TMEM242: variants seen among roughly 807,000 people sequenced by gnomAD.
The protein encoded by TMEM242 is UPF0463 transmembrane protein C6orf35.
A neutral mutation model predicts 18.2 loss-of-function variants in TMEM242; 10 were observed. That is an observed-to-expected ratio of 0.55 (90% CI 0.34 to 0.93). The LOEUF (loss-of-function observed/expected upper bound fraction) is 0.93. Ranked by LOEUF, TMEM242 falls within the 40% of genes least tolerant of loss-of-function variation. The pLI is 0.02. For missense variants in TMEM242, 186 were observed against 175.5 expected (o/e 1.06, Z -0.34); for synonymous variants, 57 against 69.9 (o/e 0.81, Z 0.92).
At chr6:157,304,481 AAAAAAAAAAAG>A (rs1479797935) in intron 3 of TMEM242, among the ~76,000 whole-genome samples, 69 of 125,066 alleles carry the variant, frequency 5.5e-4, no homozygotes, top group South Asian at 3.6e-3. Flanking sequence ...AAAAAAAAAA[AAAAAAAAAAAG>A]AGAGAGAGAG....
chr6:157,321,085 T>C (rs1238494473), intron 2 of TMEM242, among the ~76,000 whole-genome samples: 1 of 150,684 alleles, frequency 6.6e-6, no homozygotes, highest in Non-Finnish European at 1.5e-5. Flanking sequence ...CTCGGCTTAC[T>C]GCAAGCTCCG....
chr6:157,310,952 G>A (rs1554248520), intron 3 of TMEM242, among the ~76,000 whole-genome samples: 1 of 150,106 alleles, frequency 6.7e-6, no homozygotes, highest in African/African-American at 2.4e-5. Context: ...GCCCCAGTGT[G>A]CACTCACCTG....
intron 3 of TMEM242, among the ~76,000 whole-genome samples, chr6:157,304,114 G>A (rs1407741333): frequency 1.3e-5 from 2 of 152,178 alleles, no homozygotes; most frequent in East Asian, 1.9e-4. Flanking sequence ...AGCCACTTGT[G>A]TTAATCATTA....
At chr6:157,303,088 G>A (rs1777852182) in intron 3 of TMEM242, among the ~76,000 whole-genome samples, 2 of 152,194 alleles carry the variant, frequency 1.3e-5, no homozygotes, top group South Asian at 2.1e-4. Context: ...CTCTCCATTA[G>A]AGGATTTATC....
intron 3 of TMEM242, among the ~76,000 whole-genome samples, chr6:157,302,458 T>C (rs587696826): frequency 4.6e-5 from 7 of 152,356 alleles, no homozygotes; most frequent in Non-Finnish European, 7.3e-5. Context: ...TTTCTTTCTA[T>C]CGTTTGAACC....
chr6:157,310,475 T>G (rs1777993394), intron 3 of TMEM242, among the ~76,000 whole-genome samples: 1 of 131,102 alleles, frequency 7.6e-6, no homozygotes, highest in Non-Finnish European at 1.7e-5. Flanking sequence ...TGCCCCAGTG[T>G]GTGCTCACCT....
rs1304638563 is a variant in TMEM242, at chr6:157,312,705, C to T, written c.327+6077G>A. ...AGCCTCATCATAGTGTCCCAGTGTGCGCTCACCTGGCCTCATCTTACTGTC... is the reference window on the plus strand; with the variant it reads ...AGCCTCATCATAGTGTCCCAGTGTGTGCTCACCTGGCCTCATCTTACTGTC... On this transcript the variant is annotated intron_variant, in intron 3 of 3. Transcript: ENST00000400788. Among the ~76,000 whole-genome samples, 139 of 117,172 alleles carry T rather than the reference C, an allele frequency of 1.2e-3. 2 individuals are homozygous for T. Among genetic ancestry groups the T allele is most frequent in the Middle Eastern group, 4.3e-3 (1 of 232 alleles). 76.9% of individuals were successfully genotyped at this position (117,172 alleles called of 152,430 possible).
intron 3 of TMEM242, among the ~76,000 whole-genome samples, chr6:157,295,623 C>T (rs759757512): frequency 3.9e-5 from 6 of 152,160 alleles, no homozygotes; most frequent in African/African-American, 2.4e-5. Flanking sequence ...TGCTCTCCTT[C>T]GGCAGGGTTA....
At chr6:157,312,107 T>A (rs1225626204) in intron 3 of TMEM242, among the ~76,000 whole-genome samples, 2 of 70,490 alleles carry the variant, frequency 2.8e-5, no homozygotes, top group African/African-American at 1.2e-4. Context: ...TCCCCTCACC[T>A]AGCCTCATCA....
rs1777670411 is a variant in TMEM242, at chr6:157,290,415, T to TA, written c.*2485dup. The TA allele has an allele frequency of 6.6e-6, 1 of 152,188 alleles. No individual in the cohort carries two copies. The highest frequency in any genetic ancestry group is 2.4e-5 in the African/African-American group (1 of 41,434). The allele number at this position is 152,188 out of a possible 1,614,324, so 9.4% of individuals were successfully genotyped here. On this transcript the variant is annotated 3_prime_UTR_variant, in exon 4 of 4. Transcript: ENST00000400788. The stretch of plus-strand genomic sequence containing the variant: ...GGTTAATAGGGTGATTAAAACTCTT[T>TA]ATGCTCCAGGAGATAAATGTGATTA...
At chr6:157,313,088 G>A (rs71191618) in intron 3 of TMEM242, among the ~76,000 whole-genome samples, 144 of 1,034 alleles carry the variant, frequency 0.14, 2 homozygotes, top group African/African-American at 0.19. Flanking sequence ...GCACTCACCT[G>A]GCCTCATCAA....
intron 3 of TMEM242, among the ~76,000 whole-genome samples, chr6:157,303,314 C>A (rs1777855655): frequency 6.6e-6 from 1 of 152,088 alleles, no homozygotes; most frequent in African/African-American, 2.4e-5. Context: ...GCCACAGACC[C>A]CATCTAGAGA....
intron 3 of TMEM242, among the ~76,000 whole-genome samples, chr6:157,294,269 A>G (rs782760186): frequency 5.9e-5 from 9 of 151,558 alleles, no homozygotes; most frequent in South Asian, 2.1e-4. Context: ...TCTGCCAGTC[A>G]TATTTTCCTA....
At position 157,292,839 on chromosome 6, in the gene TMEM242, C is replaced by T. The variant is rs1188138573; in HGVS notation, c.*62G>A. On this transcript the variant is annotated 3_prime_UTR_variant, in exon 4 of 4. Transcript: ENST00000400788. The stretch of plus-strand genomic sequence containing the variant: ...AAATCAGTCCCAGTCCTTTTGCTGT[C>T]ATGGTGTCTCCAGAGCCACCCCTTT... 4.5e-6 allele frequency: 6 copies of T among 1,320,296 alleles called. No homozygotes were observed. Among genetic ancestry groups the T allele is most frequent in the Non-Finnish European group, 6.5e-6 (6 of 920,410 alleles). 81.8% of individuals were successfully genotyped at this position (1,320,296 alleles called of 1,614,324 possible).
intron 3 of TMEM242, among the ~76,000 whole-genome samples, chr6:157,310,000 A>G (rs1777974559): frequency 6.6e-6 from 1 of 152,212 alleles, no homozygotes; most frequent in South Asian, 2.1e-4. Context: ...CATAGAGCAC[A>G]GGTCCACAGA....
chr6:157,322,679 T>C lies in TMEM242; in HGVS notation c.189+26A>G, dbSNP rs782171442. Reference sequence around the variant, plus strand: ...CATATATTGTAAACAATAACAATGCTATGAATGGATTTCAGTGTCACCAAC... The same window carrying C: ...CATATATTGTAAACAATAACAATGCCATGAATGGATTTCAGTGTCACCAAC... On this transcript the variant is annotated intron_variant, in intron 2 of 3. Transcript: ENST00000400788. The C allele has an allele frequency of 1.8e-5, 29 of 1,585,408 alleles. 1 individual carries two copies. In the South Asian group the frequency reaches 3.2e-4, roughly 17 times the overall value.
At chr6:157,322,658 T>C in intron 2 of TMEM242, 47 bp downstream of exon 2, 1 of 1,518,876 alleles carries the variant, frequency 6.6e-7, no homozygotes, top group African/African-American at 1.4e-5. Flanking sequence ...AGCTGCCATA[T>C]ATTGTAAACA....
intron 3 of TMEM242, among the ~76,000 whole-genome samples, chr6:157,315,939 T>C (rs1372908511): frequency 1.3e-5 from 2 of 152,192 alleles, no homozygotes; most frequent in Non-Finnish European, 2.9e-5. Context: ...CCATAATAAT[T>C]ATGAATAAAA....
intron 3 of TMEM242, among the ~76,000 whole-genome samples, chr6:157,294,938 A>T (rs972296455): frequency 3.3e-5 from 5 of 152,204 alleles, no homozygotes; most frequent in Non-Finnish European, 7.3e-5. Flanking sequence ...CTGCTTAAAG[A>T]GTTGTGAGGA....
Sources: gnomAD v4.1 joint callset for allele counts (sites outside exome capture counted in the v4.1 genomes callset) on GRCh38, gnomAD v4.1.1 for gene constraint, MANE v1.5 for transcripts, NCBI Gene and HGNC (gene_info 2026-07-23, HGNC 2026-07-21) for gene names.